Variants in CLDN10 observed in about 807,000 individuals in gnomAD.
The protein encoded by CLDN10 is claudin-10.
A neutral mutation model predicts 22.9 loss-of-function variants in CLDN10; 15 were observed. The ratio of observed to expected loss-of-function variants is 0.65; its 90% CI spans 0.44 to 1.01. The LOEUF (loss-of-function observed/expected upper bound fraction) is 1.01. CLDN10 is among the 50% of genes least tolerant of loss of function. The pLI is 0.00. For synonymous variants in CLDN10, 114 were observed against 111.4 expected (o/e 1.02, Z -0.15); for missense variants, 247 against 287.8 (o/e 0.86, Z 1.03).
intron 1 of CLDN10, among the ~76,000 whole-genome samples, chr13:95,482,189 C>A (rs950008518): frequency 1.3e-5 from 2 of 151,930 alleles, no homozygotes; most frequent in African/African-American, 4.8e-5. Flanking sequence ...CCCATGTACC[C>A]CATAAATATA....
chr13:95,498,874 G>T (rs892655984), intron 1 of CLDN10, among the ~76,000 whole-genome samples: 5 of 152,146 alleles, frequency 3.3e-5, no homozygotes, highest in African/African-American at 1.2e-4. Context: ...ACCCATTAAA[G>T]AACTCATTTC....
chr13:95,510,114 G>T (rs1305413912), intron 1 of CLDN10, among the ~76,000 whole-genome samples: 1 of 152,232 alleles, frequency 6.6e-6, no homozygotes, highest in African/African-American at 2.4e-5. Flanking sequence ...GCACACCACA[G>T]CTTCTGAGAC....
intron 1 of CLDN10, among the ~76,000 whole-genome samples, chr13:95,434,216 T>C (rs2042240887): frequency 6.6e-6 from 1 of 152,114 alleles, no homozygotes; most frequent in Non-Finnish European, 1.5e-5. Flanking sequence ...GCTGAAAGAA[T>C]GACATTTATC....
intron 3 of CLDN10, 195 bp downstream of exon 3, chr13:95,560,658 GT>G: frequency 3.4e-6 from 2 of 580,092 alleles, no homozygotes; most frequent in Non-Finnish European, 6.1e-6. Context: ...GTTTGCTAGT[GT>G]TGCAGTGTCT....
At chr13:95,440,449 G>T (rs1594519599) in intron 1 of CLDN10, among the ~76,000 whole-genome samples, 1 of 152,252 alleles carries the variant, frequency 6.6e-6, no homozygotes, top group South Asian at 2.1e-4. Context: ...GCTGAAGCAG[G>T]AGGGTCACTT....
At chr13:95,550,617 T>C (rs924819948), upstream of CLDN10, among the ~76,000 whole-genome samples, 1 of 152,094 alleles carries the variant, frequency 6.6e-6, no homozygotes, top group Non-Finnish European at 1.5e-5. Flanking sequence ...CAAATAGTAA[T>C]TGGATCAGAA....
upstream of CLDN10, among the ~76,000 whole-genome samples, chr13:95,549,579 A>G (rs1331290771): frequency 6.6e-6 from 1 of 152,242 alleles, no homozygotes; most frequent in South Asian, 2.1e-4. Flanking sequence ...TAAAATAAAA[A>G]TGTTTGATTC....
chr13:95,541,324 GA>G (rs1460250950), intron 1 of CLDN10, among the ~76,000 whole-genome samples: 6 of 152,204 alleles, frequency 3.9e-5, no homozygotes, highest in African/African-American at 1.4e-4. Flanking sequence ...GCATAATTAG[GA>G]GAAACTGGGG....
chr13:95,553,979 TTTTTC>T (rs2043602602), intron 1 of CLDN10, among the ~76,000 whole-genome samples: 1 of 152,230 alleles, frequency 6.6e-6, no homozygotes, highest in South Asian at 2.1e-4. Flanking sequence ...TTGAGGTGTT[TTTTTC>T]TTTTATTACC....
At chr13:95,475,831 T>TC in intron 1 of CLDN10, among the ~76,000 whole-genome samples, 1 of 151,932 alleles carries the variant, frequency 6.6e-6, no homozygotes, top group Non-Finnish European at 1.5e-5. Context: ...TCTCTCCCTC[T>TC]TTCCCTCTCT....
At chr13:95,524,867 T>TTA (rs1254183286) in intron 1 of CLDN10, among the ~76,000 whole-genome samples, 2,369 of 122,666 alleles carry the variant, frequency 0.019, 51 homozygotes, top group African/African-American at 0.051. Flanking sequence ...TTATTTTTAT[T>TTA]TTTTTTTTTG....
intron 1 of CLDN10, among the ~76,000 whole-genome samples, chr13:95,504,426 G>GC: frequency 6.6e-6 from 1 of 151,874 alleles, no homozygotes; most frequent in Non-Finnish European, 1.5e-5. Flanking sequence ...TGTCACCCAG[G>GC]TGGAGTGCAG....
chr13:95,575,986 C>T (rs1410523287), intron 3 of CLDN10, among the ~76,000 whole-genome samples: 1 of 152,194 alleles, frequency 6.6e-6, no homozygotes, highest in African/African-American at 2.4e-5. Context: ...CTGCTTCCTG[C>T]TCCCCTGGCT....
intron 1 of CLDN10, among the ~76,000 whole-genome samples, chr13:95,555,768 C>T (rs963979231): frequency 2.6e-5 from 4 of 152,152 alleles, no homozygotes; most frequent in Non-Finnish European, 4.4e-5. Flanking sequence ...GTTGATTCCC[C>T]CACCTGCAAG....
In CLDN10 at chr13:95,560,299, T is replaced by G. The variant is rs1232464883; in HGVS notation, c.382+6T>G. Reference sequence around the variant, plus strand: ...GATTGTATTCATACTGTCAGGTAAATAGTAACTTTCTTCCAAACAAGGTAC... The same window carrying G: ...GATTGTATTCATACTGTCAGGTAAAGAGTAACTTTCTTCCAAACAAGGTAC... On this transcript the variant is annotated splice_donor_region_variant and intron_variant, in intron 2 of 4. Coordinates refer to ENST00000299339, the MANE Select transcript of CLDN10 (RefSeq NM_006984.5). 1 of 1,614,008 alleles carries G rather than the reference T, an allele frequency of 6.2e-7. No individual in the cohort carries two copies. The highest frequency in any genetic ancestry group is 8.5e-7 in the Non-Finnish European group (1 of 1,179,852).
At chr13:95,453,694 GAA>G (rs71292898) in intron 1 of CLDN10, among the ~76,000 whole-genome samples, 3 of 138,926 alleles carry the variant, frequency 2.2e-5, no homozygotes, top group African/African-American at 2.7e-5. Flanking sequence ...AAAAGAAAAA[GAA>G]AAAAAAAAAA....
At chr13:95,552,512 G>A (rs2043577234), upstream of CLDN10, among the ~76,000 whole-genome samples, 2 of 151,818 alleles carry the variant, frequency 1.3e-5, no homozygotes, top group Admixed American at 6.5e-5. Flanking sequence ...CCCGCACGCG[G>A]GCGCGGGCCA....
At chr13:95,552,663 C>CGGAGGCG, upstream of CLDN10, 3 of 1,406,218 alleles carry the variant, frequency 2.1e-6, no homozygotes, top group South Asian at 1.5e-5. Context: ...TGGGCGGAGG[C>CGGAGGCG]GGAGGCGGGA....
At chr13:95,538,807 T>A (rs1016472663) in intron 1 of CLDN10, among the ~76,000 whole-genome samples, 2 of 152,220 alleles carry the variant, frequency 1.3e-5, no homozygotes, top group African/African-American at 4.8e-5. Flanking sequence ...ATGCCTTAGA[T>A]TCCATTCCTG....
Sources: gnomAD v4.1 joint callset for allele counts (sites outside exome capture counted in the v4.1 genomes callset) on GRCh38, gnomAD v4.1.1 for gene constraint, MANE v1.5 for transcripts, NCBI Gene and HGNC (gene_info 2026-07-23, HGNC 2026-07-21) for gene names.